SAMMSON: variants seen among roughly 807,000 people sequenced by gnomAD.
SAMMSON encodes the protein long intergenic non-protein coding RNA 1212.
At chr3:70,284,791 T>G (rs1025598101) in intron 6 of SAMMSON, among the ~76,000 whole-genome samples, 1 of 152,000 alleles carries the variant, frequency 6.6e-6, no homozygotes, top group Non-Finnish European at 1.5e-5. Context: ...AAATAACTAA[T>G]GGGTACTAGT....
chr3:70,321,808 A>G (rs566148848), intron 7 of SAMMSON, among the ~76,000 whole-genome samples: 14 of 152,062 alleles, frequency 9.2e-5, no homozygotes, highest in Non-Finnish European at 1.9e-4. Context: ...AAAACTCTCT[A>G]AAGGGGAAAA....
chr3:70,278,376 C>T (rs1254353951), intron 6 of SAMMSON, among the ~76,000 whole-genome samples: 1 of 152,046 alleles, frequency 6.6e-6, no homozygotes, highest in East Asian at 1.9e-4. Flanking sequence ...ATGACTGAAG[C>T]TGATATGAAC....
At chr3:70,420,625 T>A (rs1019374) in intron 2 of SAMMSON, among the ~76,000 whole-genome samples, 33,428 of 152,146 alleles carry the variant, frequency 0.22, 4,705 homozygotes, top group Non-Finnish European at 0.33. Flanking sequence ...GTTAACTTGC[T>A]TGGGCTTTTT....
chr3:70,316,952 C>T (rs952089287), intron 7 of SAMMSON, among the ~76,000 whole-genome samples: 10 of 151,998 alleles, frequency 6.6e-5, no homozygotes, highest in African/African-American at 1.9e-4. Context: ...ATTGAGAAAT[C>T]GTGTAAGGAT....
intron 4 of SAMMSON, among the ~76,000 whole-genome samples, chr3:70,170,141 A>C (rs1700919647): frequency 6.6e-6 from 1 of 151,908 alleles, no homozygotes; most frequent in African/African-American, 2.4e-5. Context: ...GAGTTTTATG[A>C]TTTTATAGTT....
rs571120115 is a variant in SAMMSON at position 70,219,148 on chromosome 3, T to C, written n.508-29959T>C. The stretch of plus-strand genomic sequence containing the variant: ...GCATCACAGTCCTTGAAACAGCCTC[T>C]CCTAGCTTTCTTCTAAAACACCTTT... On this transcript the variant is annotated intron_variant and non_coding_transcript_variant, in intron 4 of 9. Transcript: ENST00000642114. Among the ~76,000 whole-genome samples, 9 of 152,324 alleles carry C rather than the reference T, an allele frequency of 5.9e-5. No homozygotes were observed. The South Asian group carries it at 1.9e-3, about 32-fold the overall frequency.
downstream of SAMMSON, among the ~76,000 whole-genome samples, chr3:70,390,407 A>G (rs1458520251): frequency 6.6e-6 from 1 of 152,158 alleles, no homozygotes; most frequent in Non-Finnish European, 1.5e-5. Context: ...TGGATAATTT[A>G]TGAAAAGAGA....
chr3:70,426,431 G>C (rs1373654040), intron 2 of SAMMSON, among the ~76,000 whole-genome samples: 1 of 152,202 alleles, frequency 6.6e-6, no homozygotes, highest in Non-Finnish European at 1.5e-5. Context: ...TCCTGATCAA[G>C]AGTTTCTCCC....
chr3:70,415,659 C>T (rs1167571862), intron 2 of SAMMSON, among the ~76,000 whole-genome samples: 1 of 152,142 alleles, frequency 6.6e-6, no homozygotes, highest in African/African-American at 2.4e-5. Flanking sequence ...TGAGGTCAAT[C>T]TCCTAATCAA....
At chr3:70,006,837 C>T (rs1416013832) in intron 1 of SAMMSON, among the ~76,000 whole-genome samples, 4 of 142,276 alleles carry the variant, frequency 2.8e-5, no homozygotes, top group African/African-American at 1.1e-4. Context: ...GTGATGTTCC[C>T]TTTCCTGTGT....
intron 4 of SAMMSON, among the ~76,000 whole-genome samples, chr3:70,247,047 A>AT (rs1043540732): frequency 5.3e-5 from 8 of 151,180 alleles, no homozygotes; most frequent in East Asian, 3.9e-4. Flanking sequence ...AAGGATAGTT[A>AT]TTTTTTTTTC....
At chr3:70,334,809 TAC>T in intron 7 of SAMMSON, among the ~76,000 whole-genome samples, 1 of 152,156 alleles carries the variant, frequency 6.6e-6, no homozygotes, top group Admixed American at 6.6e-5. Flanking sequence ...TTAACTACTA[TAC>T]TGAACTATCT....
At chr3:70,197,132 G>A in intron 4 of SAMMSON, 1 of 398,522 alleles carries the variant, frequency 2.5e-6, no homozygotes, top group Non-Finnish European at 4.4e-6. Flanking sequence ...AGCATCAGGA[G>A]ACAGTCCCAA....
At chr3:70,024,623 A>G (rs1428312761) in intron 3 of SAMMSON, among the ~76,000 whole-genome samples, 1 of 152,134 alleles carries the variant, frequency 6.6e-6, no homozygotes, top group Non-Finnish European at 1.5e-5. Context: ...GTGGTTCTTC[A>G]CTTGGTCCTT....
intron 4 of SAMMSON, among the ~76,000 whole-genome samples, chr3:70,082,943 A>C (rs971057572): frequency 1.3e-5 from 2 of 152,216 alleles, no homozygotes; most frequent in Non-Finnish European, 2.9e-5. Flanking sequence ...ATTGGCTGGT[A>C]AATGATGGAG....
intron 4 of SAMMSON, among the ~76,000 whole-genome samples, chr3:70,229,519 T>A (rs1265633878): frequency 1.3e-5 from 2 of 152,220 alleles, no homozygotes; most frequent in African/African-American, 2.4e-5. Flanking sequence ...TTTTCTTGCA[T>A]CTCAGCAGGA....
chr3:70,227,979 T>C (rs1229845176), intron 4 of SAMMSON, among the ~76,000 whole-genome samples: 1 of 151,462 alleles, frequency 6.6e-6, no homozygotes, highest in Non-Finnish European at 1.5e-5. Context: ...GTAAGTATAA[T>C]ATAATAAATA....
chr3:70,065,624 TC>T (rs2067206717), intron 3 of SAMMSON, among the ~76,000 whole-genome samples: 1 of 152,088 alleles, frequency 6.6e-6, no homozygotes, highest in African/African-American at 2.4e-5. Context: ...GGGGCTGTTG[TC>T]CTCTGTGGGA....
chr3:70,281,269 G>C (rs188637899), intron 6 of SAMMSON, among the ~76,000 whole-genome samples: 1 of 152,206 alleles, frequency 6.6e-6, no homozygotes, highest in East Asian at 1.9e-4. Context: ...AACCTCCCCA[G>C]ATTCGTGTCA....
Sources: gnomAD v4.1 joint callset for allele counts (sites outside exome capture counted in the v4.1 genomes callset) on GRCh38, gnomAD v4.1.1 for gene constraint, MANE v1.5 for transcripts, NCBI Gene and HGNC (gene_info 2026-07-23, HGNC 2026-07-21) for gene names.